The following TMPRSS15 variants were observed in gnomAD, a reference collection of about 807,000 sequenced individuals.
TMPRSS15 encodes the protein enteropeptidase.
TMPRSS15 carries 128 observed loss-of-function variants against 125.3 expected under a neutral mutation model. The ratio of observed to expected loss-of-function variants is 1.02; its 90% CI spans 0.89 to 1.18. The LOEUF is 1.18. TMPRSS15 is among the 50% of genes most tolerant of loss of function. The pLI, the probability that TMPRSS15 is intolerant of heterozygous loss-of-function variation, is 0.00. For synonymous variants in TMPRSS15, 446 were observed against 423.2 expected (o/e 1.05, Z -0.66); for missense variants, 1,283 against 1,212.7 (o/e 1.06, Z -0.86).
At chr21:18,347,227 A>G (rs559757507) in intron 10 of TMPRSS15, among the ~76,000 whole-genome samples, 1 of 151,750 alleles carries the variant, frequency 6.6e-6, no homozygotes, top group East Asian at 2.0e-4. Flanking sequence ...CATTCGGCAT[A>G]TTCTGTCATG....
intron 16 of TMPRSS15, among the ~76,000 whole-genome samples, chr21:18,317,864 C>T (rs1201622615): frequency 7.6e-6 from 1 of 131,516 alleles, no homozygotes; most frequent in Admixed American, 7.7e-5. Flanking sequence ...CATCCCATCC[C>T]ATCCCATCCC....
At chr21:18,403,376 C>T in intron 1 of TMPRSS15, 102 bp downstream of exon 1, 1 of 1,476,854 alleles carries the variant, frequency 6.8e-7, no homozygotes, top group Non-Finnish European at 9.4e-7. Flanking sequence ...CAAAATAATG[C>T]ATTTAGTTGG....
At chr21:18,280,592 A>AC (rs2074684299) in intron 22 of TMPRSS15, among the ~76,000 whole-genome samples, 2 of 144,370 alleles carry the variant, frequency 1.4e-5, no homozygotes, top group African/African-American at 5.7e-5. Flanking sequence ...AAAAAAAAAA[A>AC]AAACAACAAA....
At chr21:18,292,909 A>G (rs1255633701) in intron 21 of TMPRSS15, among the ~76,000 whole-genome samples, 1 of 152,222 alleles carries the variant, frequency 6.6e-6, no homozygotes, top group African/African-American at 2.4e-5. Flanking sequence ...AGCAAAGTCA[A>G]GAGGGTGCAC....
chr21:18,326,033 G>A (rs971103719), intron 16 of TMPRSS15, among the ~76,000 whole-genome samples: 7 of 152,040 alleles, frequency 4.6e-5, no homozygotes, highest in Admixed American at 3.3e-4. Context: ...TTAATTGAAT[G>A]TTGTTGGCAT....
intron 1 of TMPRSS15, among the ~76,000 whole-genome samples, chr21:18,470,836 A>T (rs1181168955): frequency 6.6e-6 from 1 of 152,088 alleles, no homozygotes; most frequent in Non-Finnish European, 1.5e-5. Context: ...AAAAAACTTT[A>T]AATTTATACA....
intron 1 of TMPRSS15, among the ~76,000 whole-genome samples, chr21:18,401,953 G>C (rs972214435): frequency 1.3e-5 from 2 of 150,698 alleles, no homozygotes; most frequent in Non-Finnish European, 3.0e-5. Context: ...GATCCTTCAA[G>C]TTATTCACAG....
intron 21 of TMPRSS15, among the ~76,000 whole-genome samples, chr21:18,293,533 T>A (rs1441499363): frequency 6.6e-6 from 1 of 152,134 alleles, no homozygotes; most frequent in Non-Finnish European, 1.5e-5. Context: ...CATGTGACTA[T>A]CTAGAGAGGT....
intron 1 of TMPRSS15, among the ~76,000 whole-genome samples, chr21:18,467,459 A>C (rs932136309): frequency 1.3e-5 from 2 of 152,016 alleles, no homozygotes; most frequent in African/African-American, 4.8e-5. Flanking sequence ...TGGAGCTATA[A>C]TTTGAGGACA....
rs1483355416 is a variant in TMPRSS15, at chr21:18,300,262, TTTCTTTCTCTC to T, written c.2166-2444_2166-2434del. Among the ~76,000 whole-genome samples, 4 of 151,672 alleles carry T rather than the reference TTTCTTTCTCTC, an allele frequency of 2.6e-5. No homozygotes were observed. In the East Asian group the frequency reaches 5.8e-4, roughly 22 times the overall value. ...TTTCTTTGTTTTTCTTCTTTCTCTC[TTTCTTTCTCTC>T]TTCTTTCTCTCTCTCTTTCTTTCTC... On this transcript the variant is annotated intron_variant, in intron 18 of 24. Coordinates refer to ENST00000284885, the MANE Select transcript of TMPRSS15 (RefSeq NM_002772.3).
chr21:18,406,038 G>A (rs1311850627), upstream of TMPRSS15, among the ~76,000 whole-genome samples: 1 of 151,856 alleles, frequency 6.6e-6, no homozygotes, highest in East Asian at 1.9e-4. Flanking sequence ...ATTGAACTGA[G>A]GCAAAAATTT....
At chr21:18,324,235 G>A (rs937584812) in intron 16 of TMPRSS15, among the ~76,000 whole-genome samples, 1 of 151,880 alleles carries the variant, frequency 6.6e-6, no homozygotes, top group African/African-American at 2.4e-5. Flanking sequence ...AATGTTTATT[G>A]TTTTCAAATT....
chr21:18,279,052 T>C lies in TMPRSS15; in HGVS notation c.2676A>G (p.Ile892Met), dbSNP rs1384559011. ...LEFKVNYTDY[I>M]QPICLPEENQ... The stretch of plus-strand genomic sequence containing the variant: ...TTTCTTCCGGTAAACAAATAGGTTG[T>C]ATGTAATCTGGAAAAACAAGCAAAC... Residue 892 changes from isoleucine (I) to methionine (M), a missense_variant, in exon 23 of 25, where the codon ATA becomes ATG. Ile to Met is a conservative substitution (Grantham distance 10). Transcript: ENST00000284885. 6.4e-7 allele frequency: 1 copy of C among 1,565,090 alleles called. No homozygotes were observed. The highest frequency in any genetic ancestry group is 8.8e-7 in the Non-Finnish European group (1 of 1,138,952).
At chr21:18,436,374 T>G (rs1057006509) in intron 1 of TMPRSS15, among the ~76,000 whole-genome samples, 7 of 152,138 alleles carry the variant, frequency 4.6e-5, no homozygotes, top group African/African-American at 1.7e-4. Flanking sequence ...TATTTCTGCC[T>G]TCATTTCGTT....
intron 3 of TMPRSS15, among the ~76,000 whole-genome samples, chr21:18,393,230 G>T (rs1283742353): frequency 6.6e-6 from 1 of 152,096 alleles, no homozygotes; most frequent in Non-Finnish European, 1.5e-5. Flanking sequence ...GAGATATGAA[G>T]ATGGAGAGAC....
intron 18 of TMPRSS15, among the ~76,000 whole-genome samples, chr21:18,306,347 G>T (rs146626954): frequency 9.9e-4 from 150 of 152,242 alleles, no homozygotes; most frequent in Admixed American, 3.7e-3. Context: ...AATTCATTGC[G>T]GTGGTTACAT....
chr21:18,458,698 G>A (rs906379241), intron 1 of TMPRSS15, among the ~76,000 whole-genome samples: 1 of 152,072 alleles, frequency 6.6e-6, no homozygotes, highest in Non-Finnish European at 1.5e-5. Context: ...TGGATTAAGC[G>A]TTAGTTCTAA....
At chr21:18,406,870 T>C (rs904977710), upstream of TMPRSS15, among the ~76,000 whole-genome samples, 3 of 152,100 alleles carry the variant, frequency 2.0e-5, no homozygotes, top group African/African-American at 7.2e-5. Context: ...CTACAAAATA[T>C]AGGGAAAACT....
Position 18,356,335 on chromosome 21 carries a change from G to A in TMPRSS15, c.881-2472C>T, listed in dbSNP as rs564010687. 1.1e-4 allele frequency among the ~76,000 whole-genome samples: 17 copies of A among 151,678 alleles called. No individual in the cohort carries two copies. In the South Asian group the frequency reaches 2.3e-3, roughly 20 times the overall value. On this transcript the variant is annotated intron_variant, in intron 8 of 24. Transcript: ENST00000284885. ...ATCCAATTTATAAGAGTGAAAATGC[G>A]GCAACTAGAGTACCATCTTTATTAT...
Sources: gnomAD v4.1 joint callset for allele counts (sites outside exome capture counted in the v4.1 genomes callset) on GRCh38, gnomAD v4.1.1 for gene constraint, MANE v1.5 for transcripts, NCBI Gene and HGNC (gene_info 2026-07-23, HGNC 2026-07-21) for gene names.